SAMMSON: variants seen among roughly 807,000 people sequenced by gnomAD.
SAMMSON encodes the protein survival associated mitochondrial melanoma specific oncogenic non-coding RNA.
intron 3 of SAMMSON, among the ~76,000 whole-genome samples, chr3:70,035,561 A>G (rs2067082263): frequency 6.6e-6 from 1 of 151,980 alleles, no homozygotes; most frequent in Non-Finnish European, 1.5e-5. Context: ...ATGTTATGCA[A>G]CTCCGGGAGT....
At chr3:70,383,512 C>G (rs530130935) in intron 9 of SAMMSON, among the ~76,000 whole-genome samples, 87 of 152,174 alleles carry the variant, frequency 5.7e-4, no homozygotes, top group African/African-American at 1.8e-3. Context: ...CGCCCACTTT[C>G]CGTATGAATT....
intron 4 of SAMMSON, among the ~76,000 whole-genome samples, chr3:70,231,596 G>C (rs1575602664): frequency 6.6e-6 from 1 of 152,076 alleles, no homozygotes. Context: ...GAACAGGCTG[G>C]GGTGTCCTTC....
chr3:70,428,893 C>T (rs950846040), intron 2 of SAMMSON, among the ~76,000 whole-genome samples: 9 of 152,184 alleles, frequency 5.9e-5, no homozygotes, highest in African/African-American at 1.9e-4. Flanking sequence ...ATGTCAAAGA[C>T]TGGAGCTACA....
chr3:70,336,232 A>G (rs1299453308), intron 7 of SAMMSON, among the ~76,000 whole-genome samples: 1 of 151,978 alleles, frequency 6.6e-6, no homozygotes, highest in East Asian at 1.9e-4. Context: ...ACTCTCTAAG[A>G]ACTACATGTT....
At chr3:70,358,353 A>G (rs1702845121) in intron 9 of SAMMSON, 1 of 152,184 alleles carries the variant, frequency 6.6e-6, no homozygotes, top group South Asian at 2.1e-4. Flanking sequence ...TGGCATGAGT[A>G]TTTACACTAC....
intron 3 of SAMMSON, among the ~76,000 whole-genome samples, chr3:70,061,900 A>G (rs1333038957): frequency 6.6e-6 from 1 of 152,086 alleles, no homozygotes; most frequent in East Asian, 1.9e-4. Context: ...CCTTTGACTC[A>G]TTCATTTTGT....
At chr3:70,111,232 A>G (rs913971246) in intron 4 of SAMMSON, among the ~76,000 whole-genome samples, 2 of 152,200 alleles carry the variant, frequency 1.3e-5, no homozygotes, top group African/African-American at 4.8e-5. Context: ...CTGCATAAGA[A>G]CACATGATAG....
intron 4 of SAMMSON, among the ~76,000 whole-genome samples, chr3:70,118,430 A>C (rs781613808): frequency 6.6e-6 from 1 of 151,960 alleles, no homozygotes; most frequent in African/African-American, 2.4e-5. Context: ...TTTTCCCCCA[A>C]CCTTTTATTT....
At chr3:70,320,365 G>C (rs1702528013) in intron 7 of SAMMSON, among the ~76,000 whole-genome samples, 1 of 152,004 alleles carries the variant, frequency 6.6e-6, no homozygotes, top group Admixed American at 6.6e-5. Context: ...GAATTATTTT[G>C]CTCCAAAACC....
intron 2 of SAMMSON, among the ~76,000 whole-genome samples, chr3:70,417,437 AT>A (rs1305851352): frequency 2.0e-5 from 3 of 152,078 alleles, no homozygotes; most frequent in Non-Finnish European, 4.4e-5. Context: ...GGTACTTGGA[AT>A]TTTTCTTTAA....
At chr3:70,178,557 A>C (rs1394772704) in intron 4 of SAMMSON, among the ~76,000 whole-genome samples, 2 of 152,202 alleles carry the variant, frequency 1.3e-5, no homozygotes, top group Non-Finnish European at 2.9e-5. Context: ...TAATGTTTTG[A>C]AACTGGGGCA....
chr3:70,314,712 G>C (rs1335355532), intron 7 of SAMMSON, among the ~76,000 whole-genome samples: 1 of 152,042 alleles, frequency 6.6e-6, no homozygotes, highest in African/African-American at 2.4e-5. Context: ...TATCAATATT[G>C]TTCCTCAGCA....
intron 4 of SAMMSON, among the ~76,000 whole-genome samples, chr3:70,193,811 G>A (rs571334579): frequency 2.0e-5 from 3 of 152,196 alleles, no homozygotes; most frequent in Admixed American, 1.3e-4. Context: ...GAAACTTAGA[G>A]GCATTGGGTA....
chr3:70,175,325 T>G (rs377639192), intron 4 of SAMMSON, among the ~76,000 whole-genome samples: 1 of 152,086 alleles, frequency 6.6e-6, no homozygotes, highest in Non-Finnish European at 1.5e-5. Flanking sequence ...CCTTTCAGTC[T>G]GATTGGGTCA....
rs542862493 is a variant in SAMMSON at position 70,036,232 on chromosome 3, T to G, written n.417+22560T>G. Among the ~76,000 whole-genome samples, 4 of 152,276 alleles carry G rather than the reference T, an allele frequency of 2.6e-5. No individual in the cohort carries two copies. The South Asian group carries it at 8.3e-4, about 32-fold the overall frequency. ...TGCCTCTATTCTAAGGCAAAGTCTC[T>G]TTGAGGTCCCTGGAGTATTGTAGAT... On this transcript the variant is annotated intron_variant and non_coding_transcript_variant, in intron 3 of 9. Transcript: ENST00000642114.
At chr3:70,106,531 A>C (rs990770559) in intron 4 of SAMMSON, among the ~76,000 whole-genome samples, 6 of 149,414 alleles carry the variant, frequency 4.0e-5, no homozygotes, top group African/African-American at 1.5e-4. Context: ...CTAGAGATAG[A>C]GTCTTGGTAT....
At chr3:70,408,735 C>T (rs1201690270) in intron 2 of SAMMSON, among the ~76,000 whole-genome samples, 1 of 152,152 alleles carries the variant, frequency 6.6e-6, no homozygotes, top group Non-Finnish European at 1.5e-5. Flanking sequence ...CAAACTGTTC[C>T]AAACTCTGCC....
chr3:70,315,441 T>C (rs1269526223), intron 7 of SAMMSON, among the ~76,000 whole-genome samples: 1 of 152,156 alleles, frequency 6.6e-6, no homozygotes, highest in Non-Finnish European at 1.5e-5. Flanking sequence ...TCATTCCTTA[T>C]AAGAGCTGTA....
intron 4 of SAMMSON, among the ~76,000 whole-genome samples, chr3:70,207,345 A>G (rs760809358): frequency 2.0e-5 from 3 of 152,022 alleles, no homozygotes; most frequent in Non-Finnish European, 4.4e-5. Context: ...CTGCCTTGGT[A>G]TTTAAGTTCC....
Sources: allele counts gnomAD v4.1 joint callset (sites outside exome capture counted in the v4.1 genomes callset), GRCh38; gene constraint gnomAD v4.1.1; transcripts MANE v1.5; gene names NCBI Gene and HGNC (gene_info 2026-07-23, HGNC 2026-07-21).